Variants in CNTN4 observed in about 807,000 individuals in gnomAD.
The protein encoded by CNTN4 is contactin 4.
CNTN4 carries 77 observed loss-of-function variants against 122.5 expected under a neutral mutation model. The observed-to-expected ratio is 0.63, with a 90% confidence interval of 0.52 to 0.76. The LOEUF is 0.76. Ranked by LOEUF, CNTN4 falls within the 30% of genes least tolerant of loss-of-function variation. The pLI is 0.00. For synonymous variants in CNTN4, 512 were observed against 447.0 expected, an observed-to-expected ratio of 1.15 and a Z score of -1.83; for missense variants, 1,256 against 1,259.1, an observed-to-expected ratio of 1.00 and a Z score of 0.04.
intron 4 of CNTN4, among the ~76,000 whole-genome samples, chr3:2,650,730 C>T (rs1214116527): frequency 6.6e-6 from 1 of 152,168 alleles, no homozygotes; most frequent in African/African-American, 2.4e-5. Flanking sequence ...TAATCATTAG[C>T]ATTTTTAACA....
At position 2,202,818 on chromosome 3, in the gene CNTN4, C is replaced by T. The variant is rs180807481; in HGVS notation, c.-145+102179C>T. Among the ~76,000 whole-genome samples the T allele has an allele frequency of 7.9e-4, 120 of 151,708 alleles. 1 individual carries two copies. Among genetic ancestry groups the T allele is most frequent in the Admixed American group, 4.6e-4 (7 of 15,198 alleles). On this transcript the variant is annotated intron_variant, in intron 2 of 24. Coordinates refer to ENST00000418658, the MANE Select transcript of CNTN4 (RefSeq NM_175607.3). ...GAGAATTGCCATGTGTTTTTTGTAA[C>T]AATTACATTTTTTTTTTCTTTTTGA...
At chr3:2,856,337 A>T (rs1262927725) in intron 7 of CNTN4, among the ~76,000 whole-genome samples, 1 of 152,196 alleles carries the variant, frequency 6.6e-6, no homozygotes, top group Non-Finnish European at 1.5e-5. Context: ...TTTGTTGTTG[A>T]GGAGAGACCA....
At chr3:2,915,404 G>A (rs549731347) in intron 12 of CNTN4, among the ~76,000 whole-genome samples, 17 of 152,292 alleles carry the variant, frequency 1.1e-4, no homozygotes, top group African/African-American at 4.1e-4. Context: ...ACTCAACAAA[G>A]TAGAGAAGCA....
intron 15 of CNTN4, among the ~76,000 whole-genome samples, chr3:3,029,643 G>A (rs1321432170): frequency 1.3e-5 from 2 of 152,140 alleles, no homozygotes; most frequent in South Asian, 2.1e-4. Context: ...TGGTCTTTCC[G>A]GATGCTAGTC....
At chr3:2,393,008 C>G (rs1022572051) in intron 3 of CNTN4, among the ~76,000 whole-genome samples, 2 of 152,140 alleles carry the variant, frequency 1.3e-5, no homozygotes, top group African/African-American at 4.8e-5. Context: ...AGAAATTTAT[C>G]GTCTTACATT....
chr3:2,628,550 C>T (rs1238206627), intron 4 of CNTN4, among the ~76,000 whole-genome samples: 3 of 152,132 alleles, frequency 2.0e-5, no homozygotes, highest in Non-Finnish European at 1.5e-5. Flanking sequence ...AGAAGATTTC[C>T]AAATTTCTCT....
chr3:2,428,712 A>C (rs970913655), intron 3 of CNTN4, among the ~76,000 whole-genome samples: 1 of 152,194 alleles, frequency 6.6e-6, no homozygotes, highest in East Asian at 1.9e-4. Flanking sequence ...AGGTACACCA[A>C]TCAGACGTGG....
At chr3:2,411,639 CCT>C (rs2047230817) in intron 3 of CNTN4, among the ~76,000 whole-genome samples, 2 of 152,048 alleles carry the variant, frequency 1.3e-5, no homozygotes, top group African/African-American at 4.8e-5. Flanking sequence ...CTGCCTGCTG[CCT>C]GCCTGCCTGC....
intron 2 of CNTN4, among the ~76,000 whole-genome samples, chr3:2,192,256 G>C (rs146818239): frequency 6.6e-6 from 1 of 151,942 alleles, no homozygotes; most frequent in Non-Finnish European, 1.5e-5. Context: ...TTAATGGGAT[G>C]GCTGGGTCAA....
chr3:2,795,092 T>C (rs544549209), intron 6 of CNTN4, among the ~76,000 whole-genome samples: 1 of 152,360 alleles, frequency 6.6e-6, no homozygotes, highest in African/African-American at 2.4e-5. Flanking sequence ...CTGTGTAATA[T>C]ATGTAATTCC....
intron 12 of CNTN4, among the ~76,000 whole-genome samples, chr3:2,916,659 C>T (rs1222381775): frequency 4.4e-5 from 4 of 91,612 alleles, no homozygotes; most frequent in East Asian, 1.1e-3. Flanking sequence ...ACTTCCCCCC[C>T]TTCCACTCGA....
At chr3:2,543,598 A>G (rs572269177) in intron 3 of CNTN4, among the ~76,000 whole-genome samples, 36 of 152,184 alleles carry the variant, frequency 2.4e-4, no homozygotes, top group African/African-American at 8.4e-4. Context: ...TTCAGTGAGG[A>G]TAATAGGGAG....
intron 6 of CNTN4, among the ~76,000 whole-genome samples, chr3:2,746,163 G>T (rs2089759159): frequency 2.7e-5 from 1 of 36,394 alleles, no homozygotes; most frequent in South Asian, 7.8e-4. Flanking sequence ...TAATTTAGTA[G>T]AGTCAATAAG....
intron 12 of CNTN4, among the ~76,000 whole-genome samples, chr3:2,924,646 A>AT (rs1255936100): frequency 1.3e-5 from 2 of 152,202 alleles, no homozygotes; most frequent in Non-Finnish European, 2.9e-5. Context: ...CCATAGGACT[A>AT]TGTTACTGGT....
rs143311472 is a variant in CNTN4 at position 2,164,355 on chromosome 3, G to A, written c.-145+63716G>A. Among the ~76,000 whole-genome samples, 614 of 152,146 alleles carry A rather than the reference G, an allele frequency of 4.0e-3. 4 individuals are homozygous for A. The highest frequency in any genetic ancestry group is 0.014 in the African/African-American group (591 of 41,500). On this transcript the variant is annotated intron_variant, in intron 2 of 24. Coordinates refer to ENST00000418658, the MANE Select transcript of CNTN4 (RefSeq NM_175607.3). Reference sequence around the variant, plus strand: ...TCGCATAACTGTAAGTAAAAAAGAGGTTTTATAAGAGAGAGGATGACGCAC... The same window carrying A: ...TCGCATAACTGTAAGTAAAAAAGAGATTTTATAAGAGAGAGGATGACGCAC...
intron 3 of CNTN4, among the ~76,000 whole-genome samples, chr3:2,439,074 T>A (rs2048347540): frequency 6.6e-6 from 1 of 152,238 alleles, no homozygotes; most frequent in South Asian, 2.1e-4. Flanking sequence ...AAATTGGAGA[T>A]CCTTAAGGAT....
intron 3 of CNTN4, among the ~76,000 whole-genome samples, chr3:2,372,304 A>G (rs1362013032): frequency 6.6e-6 from 1 of 152,230 alleles, no homozygotes; most frequent in Non-Finnish European, 1.5e-5. Flanking sequence ...GCTTGCTGAA[A>G]GCAGATAAAC....
intron 2 of CNTN4, among the ~76,000 whole-genome samples, chr3:2,274,562 G>A (rs951402686): frequency 1.3e-5 from 2 of 151,252 alleles, no homozygotes; most frequent in African/African-American, 4.9e-5. Flanking sequence ...CTCCCTCATA[G>A]ACAAATGCTA....
chr3:2,499,415 C>T (rs990130804), intron 3 of CNTN4, among the ~76,000 whole-genome samples: 13 of 152,106 alleles, frequency 8.5e-5, no homozygotes, highest in African/African-American at 3.1e-4. Flanking sequence ...GATGGTTGTA[C>T]AACTCCATTA....
Sources: gnomAD v4.1 joint callset for allele counts (sites outside exome capture counted in the v4.1 genomes callset) on GRCh38, gnomAD v4.1.1 for gene constraint, MANE v1.5 for transcripts, NCBI Gene and HGNC (gene_info 2026-07-23, HGNC 2026-07-21) for gene names.